The following CACNA1A variants were observed in gnomAD, a reference collection of about 807,000 sequenced individuals.
CACNA1A encodes voltage-dependent P/Q-type calcium channel subunit alpha-1A.
CACNA1A carries 57 observed loss-of-function variants against 262.4 expected under a neutral mutation model. The ratio of observed to expected loss-of-function variants is 0.22; its 90% CI spans 0.18 to 0.27. CACNA1A has a LOEUF of 0.27. Among genes scored for constraint, CACNA1A ranks in the 10% least tolerant of loss-of-function variants. The probability of loss-of-function intolerance (pLI) is 1.00; values close to 1 mark genes in which losing one functional copy is unlikely to be tolerated. For synonymous variants in CACNA1A, 1,431 were observed against 1,419.3 expected (o/e 1.01, Z -0.18); for missense variants, 2,526 against 3,562.8 (o/e 0.71, Z 7.41).
chr19:13,505,583 G>A (rs1982924412), intron 1 of CACNA1A, among the ~76,000 whole-genome samples: 1 of 152,042 alleles, frequency 6.6e-6, no homozygotes. Context: ...AGCTCACTCC[G>A]TAGAACTCCA....
At chr19:13,396,139 A>T (rs1172921093) in intron 3 of CACNA1A, among the ~76,000 whole-genome samples, 5 of 152,168 alleles carry the variant, frequency 3.3e-5, no homozygotes, top group Admixed American at 3.3e-4. Flanking sequence ...TTTTTCAGTG[A>T]ACCTTCAGAG....
chr19:13,222,839 C>T (rs1021282842), intron 38 of CACNA1A, among the ~76,000 whole-genome samples: 6 of 151,234 alleles, frequency 4.0e-5, no homozygotes, highest in Admixed American at 2.0e-4. Flanking sequence ...GGGTTACAGG[C>T]GCCCACCATG....
intron 6 of CACNA1A, among the ~76,000 whole-genome samples, chr19:13,358,136 G>C (rs897254020): frequency 2.0e-5 from 3 of 152,270 alleles, no homozygotes; most frequent in African/African-American, 7.2e-5. Flanking sequence ...GTATGAAGAG[G>C]TACGTGCAAC....
At chr19:13,336,594 G>GGAGAGAGAGGGGGAGAGAGAGAGA in intron 6 of CACNA1A, among the ~76,000 whole-genome samples, 1 of 65,508 alleles carries the variant, frequency 1.5e-5, no homozygotes, top group Admixed American at 1.9e-4. Flanking sequence ...AGAGAGAGAG[G>GGAGAGAGAGGGGGAGAGAGAGAGA]GAGAGAGAGA....
intron 2 of CACNA1A, among the ~76,000 whole-genome samples, chr19:13,453,731 A>T (rs924408285): frequency 9.9e-5 from 15 of 152,172 alleles, no homozygotes; most frequent in Non-Finnish European, 1.8e-4. Flanking sequence ...CTTCTCCATC[A>T]GAGCCCCAAT....
intron 3 of CACNA1A, among the ~76,000 whole-genome samples, chr19:13,430,331 C>A (rs138439207): frequency 1.8e-4 from 28 of 152,164 alleles, no homozygotes; most frequent in African/African-American, 6.3e-4. Context: ...CTCAGCCTCT[C>A]GAGTAGCTAG....
At chr19:13,371,556 G>T in intron 4 of CACNA1A, 132 bp downstream of exon 4, 1 of 668,472 alleles carries the variant, frequency 1.5e-6, no homozygotes, top group Non-Finnish European at 2.7e-6. Flanking sequence ...CCTATAGGGA[G>T]TCCCAAAGAA....
intron 19 of CACNA1A, among the ~76,000 whole-genome samples, chr19:13,291,942 G>A (rs2057548521): frequency 6.6e-6 from 1 of 152,148 alleles, no homozygotes; most frequent in African/African-American, 2.4e-5. Flanking sequence ...TCCTTTTGGG[G>A]AGCAGGTTGT....
Position 13,392,662 on chromosome 19 carries a change from T to TTTCC in CACNA1A, c.540-20887_540-20884dup, listed in dbSNP as rs530019989. Reference sequence around the variant, plus strand: ...TTGGGAAAACTGTTAGGCAGTTTCTTTTCCTTCCTTCCTTCCTTCCTTCCA... The same window carrying TTTCC: ...TTGGGAAAACTGTTAGGCAGTTTCTTTTCCTTCCTTCCTTCCTTCCTTCCTTCCA... On this transcript the variant is annotated intron_variant, in intron 3 of 46. Coordinates refer to ENST00000360228, the MANE Select transcript of CACNA1A (RefSeq NM_001127222.2). 5.4e-4 allele frequency among the ~76,000 whole-genome samples: 82 copies of TTTCC among 152,156 alleles called. 1 individual carries two copies. The highest frequency in any genetic ancestry group is 7.7e-4 in the East Asian group (4 of 5,176).
intron 3 of CACNA1A, among the ~76,000 whole-genome samples, chr19:13,426,477 G>A (rs887758613): frequency 1.3e-5 from 2 of 152,096 alleles, no homozygotes; most frequent in African/African-American, 4.8e-5. Flanking sequence ...TCTTAGCACA[G>A]GGTGGTAGCT....
chr19:13,235,485 C>T (rs528028620), intron 32 of CACNA1A, 129 bp downstream of exon 32: 3 of 793,050 alleles, frequency 3.8e-6, no homozygotes, highest in South Asian at 3.0e-5. Flanking sequence ...TGACAACAGC[C>T]TTGGAGATAA....
chr19:13,455,472 C>A (rs1429260732), intron 1 of CACNA1A, among the ~76,000 whole-genome samples: 1 of 152,184 alleles, frequency 6.6e-6, no homozygotes, highest in Non-Finnish European at 1.5e-5. Flanking sequence ...TCATTCAGTA[C>A]CTGCTGTGTG....
chr19:13,342,858 G>A (rs1461809741), intron 6 of CACNA1A, among the ~76,000 whole-genome samples: 1 of 152,188 alleles, frequency 6.6e-6, no homozygotes, highest in African/African-American at 2.4e-5. Context: ...CAAAAGTCAT[G>A]GAGGCTTTGG....
At chr19:13,489,003 C>CTTTTTTTTTTTTTTTTTTTTTTT (rs896790084) in intron 1 of CACNA1A, among the ~76,000 whole-genome samples, 1 of 75,226 alleles carries the variant, frequency 1.3e-5, no homozygotes, top group Non-Finnish European at 2.3e-5. Flanking sequence ...CTTTTCTTTT[C>CTTTTTTTTTTTTTTTTTTTTTTT]TTTTTTTTTT....
chr19:13,268,224 T>C (rs1234317563), intron 24 of CACNA1A, among the ~76,000 whole-genome samples: 1 of 152,156 alleles, frequency 6.6e-6, no homozygotes, highest in Non-Finnish European at 1.5e-5. Flanking sequence ...TGAAGCCCTC[T>C]GAGCAAATGC....
chr19:13,310,542 T>C (rs1411482794), intron 12 of CACNA1A, among the ~76,000 whole-genome samples: 1 of 123,502 alleles, frequency 8.1e-6, no homozygotes, highest in Non-Finnish European at 1.6e-5. Context: ...TTTAATTTTG[T>C]CCACTTGAAC....
At chr19:13,243,361 C>T (rs1302030080) in intron 31 of CACNA1A, among the ~76,000 whole-genome samples, 1 of 152,174 alleles carries the variant, frequency 6.6e-6, no homozygotes, top group African/African-American at 2.4e-5. Context: ...AAAGAATGGC[C>T]CCCTCTTTTG....
chr19:13,427,945 G>T lies in CACNA1A; in HGVS notation c.539+24931C>A, dbSNP rs377007824. Reference sequence around the variant, plus strand: ...GGTAAAATGTGGATAATAACAGGTTGTTTTTTTTTGTGTGTGTGACAGAGT... The same window carrying T: ...GGTAAAATGTGGATAATAACAGGTTTTTTTTTTTTGTGTGTGTGACAGAGT... On this transcript the variant is annotated intron_variant, in intron 3 of 46. Coordinates refer to ENST00000360228, the MANE Select transcript of CACNA1A (RefSeq NM_001127222.2). 6.5e-3 allele frequency among the ~76,000 whole-genome samples: 974 copies of T among 150,952 alleles called. 13 individuals carry two copies. The highest frequency in any genetic ancestry group is 0.022 in the African/African-American group (911 of 40,994).
chr19:13,299,966 A>G (rs1362856864), intron 18 of CACNA1A, among the ~76,000 whole-genome samples: 2 of 152,158 alleles, frequency 1.3e-5, no homozygotes, highest in African/African-American at 4.8e-5. Context: ...CACCGTTCAC[A>G]ATAGTGTTTG....
Sources: allele counts gnomAD v4.1 joint callset (sites outside exome capture counted in the v4.1 genomes callset), GRCh38; gene constraint gnomAD v4.1.1; transcripts MANE v1.5; gene names NCBI Gene and HGNC (gene_info 2026-07-23, HGNC 2026-07-21).